Variants in PLCL1 observed in about 807,000 individuals in gnomAD.
PLCL1 encodes phospholipase C like 1 (inactive).
A neutral mutation model predicts 84.4 loss-of-function variants in PLCL1; 41 were observed. The observed-to-expected ratio is 0.49, with a 90% CI of 0.38 to 0.63. The LOEUF (loss-of-function observed/expected upper bound fraction) is 0.63, where lower values mean the gene tolerates loss of function less well. PLCL1 is among the 30% of genes least tolerant of loss of function. The pLI is 0.00. For missense variants in PLCL1, 1,206 were observed against 1,367.8 expected (o/e 0.88, Z 1.87); for synonymous variants, 490 against 488.3 (o/e 1.00, Z -0.05).
intron 1 of PLCL1, among the ~76,000 whole-genome samples, chr2:197,975,314 G>C (rs1386559134): frequency 2.0e-5 from 3 of 152,106 alleles, no homozygotes; most frequent in Non-Finnish European, 4.4e-5. Flanking sequence ...GGAAACAGAA[G>C]CTTAAGGTGA....
chr2:197,866,500 C>G (rs925197779), intron 1 of PLCL1, among the ~76,000 whole-genome samples: 1 of 152,032 alleles, frequency 6.6e-6, no homozygotes, highest in Non-Finnish European at 1.5e-5. Flanking sequence ...CAGGACCTTT[C>G]ACATTTCTCT....
chr2:197,969,288 C>T lies in PLCL1; in HGVS notation c.241-114470C>T, dbSNP rs186606381. On this transcript the variant is annotated intron_variant, in intron 1 of 5. Transcript: ENST00000428675. The stretch of plus-strand genomic sequence containing the variant: ...CCTCAAAGTGCATGTGTGAGTCTAG[C>T]ATATGTTGTAGTGTACATTTTTTAT... 1.3e-3 allele frequency among the ~76,000 whole-genome samples: 202 copies of T among 152,262 alleles called. 2 individuals are homozygous for T. Among genetic ancestry groups the T allele is most frequent in the Non-Finnish European group, 1.1e-3 (76 of 68,016 alleles).
intron 1 of PLCL1, among the ~76,000 whole-genome samples, chr2:197,863,955 C>T (rs771726769): frequency 6.6e-6 from 1 of 152,168 alleles, no homozygotes; most frequent in Non-Finnish European, 1.5e-5. Flanking sequence ...CTTAAACACT[C>T]ATAGACATGA....
At chr2:197,964,480 A>G (rs1689688171) in intron 1 of PLCL1, among the ~76,000 whole-genome samples, 1 of 152,130 alleles carries the variant, frequency 6.6e-6, no homozygotes, top group Non-Finnish European at 1.5e-5. Context: ...TTTGTTTATC[A>G]GTTCTAATAG....
chr2:197,850,636 A>G (rs1687216141), intron 1 of PLCL1, among the ~76,000 whole-genome samples: 1 of 152,128 alleles, frequency 6.6e-6, no homozygotes, highest in Non-Finnish European at 1.5e-5. Context: ...TATGGCTTAT[A>G]TGTTTTTTCC....
intron 1 of PLCL1, among the ~76,000 whole-genome samples, chr2:197,956,372 A>G (rs1422359396): frequency 1.3e-5 from 2 of 152,180 alleles, no homozygotes; most frequent in African/African-American, 4.8e-5. Flanking sequence ...ATAGTGCTGC[A>G]GTGAACATAC....
chr2:198,040,654 G>A (rs1172524299), intron 1 of PLCL1, among the ~76,000 whole-genome samples: 1 of 152,146 alleles, frequency 6.6e-6, no homozygotes, highest in Non-Finnish European at 1.5e-5. Context: ...GGCCCCAGGA[G>A]GAATGAGGAA....
intron 1 of PLCL1, among the ~76,000 whole-genome samples, chr2:198,053,111 G>C (rs1299411870): frequency 6.6e-6 from 1 of 152,120 alleles, no homozygotes; most frequent in East Asian, 1.9e-4. Context: ...CCTCGGTTTG[G>C]TACTTATCCT....
intron 5 of PLCL1, among the ~76,000 whole-genome samples, chr2:198,137,725 C>T (rs1165675029): frequency 3.9e-5 from 6 of 152,200 alleles, no homozygotes; most frequent in African/African-American, 1.4e-4. Flanking sequence ...CTTGTCTAAT[C>T]TCCTAGTCCT....
intron 1 of PLCL1, among the ~76,000 whole-genome samples, chr2:197,892,452 C>T (rs1485743836): frequency 6.6e-6 from 1 of 152,154 alleles, no homozygotes; most frequent in East Asian, 1.9e-4. Flanking sequence ...AAGTTAGGTG[C>T]TTAAATGCTC....
chr2:197,968,455 CA>C (rs1338096714), intron 1 of PLCL1, among the ~76,000 whole-genome samples: 1 of 152,094 alleles, frequency 6.6e-6, no homozygotes, highest in African/African-American at 2.4e-5. Flanking sequence ...ATGATAATAA[CA>C]AAAGTATTCA....
chr2:198,133,170 T>C (rs1401110082), intron 5 of PLCL1, among the ~76,000 whole-genome samples: 2 of 151,918 alleles, frequency 1.3e-5, no homozygotes, highest in African/African-American at 4.8e-5. Flanking sequence ...ATGTGGCACA[T>C]ATACACCATG....
chr2:197,983,890 A>G (rs1690168508), intron 1 of PLCL1, among the ~76,000 whole-genome samples: 1 of 152,212 alleles, frequency 6.6e-6, no homozygotes, highest in South Asian at 2.1e-4. Context: ...AAAGAGTAGT[A>G]TTTCCATAAC....
At chr2:198,052,470 T>C (rs1027524966) in intron 1 of PLCL1, among the ~76,000 whole-genome samples, 3 of 151,932 alleles carry the variant, frequency 2.0e-5, no homozygotes, top group African/African-American at 7.3e-5. Flanking sequence ...TCTGGCAGTG[T>C]GCAGACTTTG....
intron 1 of PLCL1, among the ~76,000 whole-genome samples, chr2:197,887,927 GACCCTGTCTCT>G (rs986160603): frequency 2.6e-5 from 4 of 151,998 alleles, no homozygotes; most frequent in African/African-American, 9.7e-5. Flanking sequence ...AACATAGTGA[GACCCTGTCTCT>G]ACCAAAAATT....
At chr2:198,095,416 A>T (rs771514697) in intron 3 of PLCL1, among the ~76,000 whole-genome samples, 80 of 152,216 alleles carry the variant, frequency 5.3e-4, no homozygotes, top group Non-Finnish European at 6.5e-4. Flanking sequence ...TTTAGGATTC[A>T]TCTTAAATTG....
At chr2:197,923,086 C>T (rs1226092868) in intron 1 of PLCL1, among the ~76,000 whole-genome samples, 5 of 141,370 alleles carry the variant, frequency 3.5e-5, no homozygotes, top group South Asian at 4.7e-4. Context: ...AGGGCTGACC[C>T]CCCCACCTCC....
chr2:197,882,973 A>G (rs567304910), intron 1 of PLCL1, among the ~76,000 whole-genome samples: 2 of 152,306 alleles, frequency 1.3e-5, no homozygotes, highest in South Asian at 4.1e-4. Flanking sequence ...TATTCCATTT[A>G]CATCAGGTTC....
intron 1 of PLCL1, among the ~76,000 whole-genome samples, chr2:197,889,130 C>T (rs980980323): frequency 1.3e-5 from 2 of 152,232 alleles, no homozygotes; most frequent in Non-Finnish European, 1.5e-5. Context: ...CATCTAGCCC[C>T]GGGCTTGTTT....
Sources: gnomAD v4.1 joint callset for allele counts (sites outside exome capture counted in the v4.1 genomes callset) on GRCh38, gnomAD v4.1.1 for gene constraint, MANE v1.5 for transcripts, NCBI Gene and HGNC (gene_info 2026-07-23, HGNC 2026-07-21) for gene names.